The following STK32B variants were observed in gnomAD, a reference collection of about 807,000 sequenced individuals.
STK32B encodes serine/threonine kinase 32B, also known as serine/threonine-protein kinase 32B.
Under a neutral mutation model 52.6 loss-of-function variants are expected in STK32B, and 43 were observed. That is an observed-to-expected ratio of 0.82 (90% CI 0.64 to 1.05). STK32B has a LOEUF of 1.05. STK32B is among the 50% of genes least tolerant of loss of function. STK32B has a pLI of 0.00. For missense variants in STK32B, 621 were observed against 534.6 expected (o/e 1.16, Z -1.59); for synonymous variants, 238 against 204.3 (o/e 1.17, Z -1.41).
intron 4 of STK32B, among the ~76,000 whole-genome samples, chr4:5,373,464 A>G (rs1405569801): frequency 6.6e-6 from 1 of 151,746 alleles, no homozygotes; most frequent in African/African-American, 2.4e-5. Flanking sequence ...GGCAGAAAAA[A>G]CTCCCTTTTT....
At chr4:5,195,453 G>C (rs1028761371) in intron 3 of STK32B, among the ~76,000 whole-genome samples, 3 of 152,150 alleles carry the variant, frequency 2.0e-5, no homozygotes, top group African/African-American at 7.2e-5. Context: ...AGCACTTTGG[G>C]AGGCCAAGGC....
intron 3 of STK32B, among the ~76,000 whole-genome samples, chr4:5,248,456 C>G (rs530915448): frequency 3.9e-5 from 6 of 152,248 alleles, no homozygotes; most frequent in Admixed American, 3.9e-4. Flanking sequence ...ACACGTATTT[C>G]CATTTGATTT....
intron 4 of STK32B, among the ~76,000 whole-genome samples, chr4:5,354,544 G>A (rs908285121): frequency 6.6e-6 from 1 of 152,238 alleles, no homozygotes; most frequent in African/African-American, 2.4e-5. Flanking sequence ...GGGATTACAG[G>A]CGTGACCACC....
chr4:5,324,653 C>G (rs1731754445), intron 3 of STK32B, among the ~76,000 whole-genome samples: 1 of 152,146 alleles, frequency 6.6e-6, no homozygotes, highest in Non-Finnish European at 1.5e-5. Flanking sequence ...CAAATTGTGA[C>G]AACAAAAACT....
At chr4:5,168,594 G>C (rs1032592331) in intron 3 of STK32B, 144 bp downstream of exon 3, 89 of 1,006,772 alleles carry the variant, frequency 8.8e-5, no homozygotes, top group Non-Finnish European at 1.2e-4. Context: ...GTATTTTGTA[G>C]AGTACATTTT....
At chr4:5,320,549 A>T (rs1479899502) in intron 3 of STK32B, among the ~76,000 whole-genome samples, 1 of 152,226 alleles carries the variant, frequency 6.6e-6, no homozygotes, top group Non-Finnish European at 1.5e-5. Flanking sequence ...TAACAATGTG[A>T]TATCAGGTCA....
the STK32B span, among the ~76,000 whole-genome samples, chr4:5,032,734 C>T: frequency 1.2e-4 from 19 of 152,166 alleles, no homozygotes; most frequent in East Asian, 3.3e-3. Flanking sequence ...CACCATCTAC[C>T]TCTAGAACTT....
intron 1 of STK32B, among the ~76,000 whole-genome samples, chr4:5,068,086 T>C (rs1049023611): frequency 1.3e-5 from 2 of 152,096 alleles, no homozygotes; most frequent in Admixed American, 1.3e-4. Context: ...TAGGTTACTT[T>C]CAATGGCAAA....
At chr4:5,190,980 A>C (rs1020448133) in intron 3 of STK32B, among the ~76,000 whole-genome samples, 2 of 152,176 alleles carry the variant, frequency 1.3e-5, no homozygotes, top group Non-Finnish European at 2.9e-5. Flanking sequence ...CACTGCCTGC[A>C]CTTTTCTTCC....
intron 3 of STK32B, among the ~76,000 whole-genome samples, chr4:5,213,421 A>C (rs537339968): frequency 1.2e-4 from 18 of 152,316 alleles, no homozygotes; most frequent in African/African-American, 3.8e-4. Flanking sequence ...TGAAATCCAG[A>C]TTCCTTTCTG....
chr4:5,487,916 A>G (rs1478592843), intron 11 of STK32B, among the ~76,000 whole-genome samples: 1 of 152,198 alleles, frequency 6.6e-6, no homozygotes, highest in Non-Finnish European at 1.5e-5. Flanking sequence ...CTTAAAATTT[A>G]TCTAGTTTCA....
rs1430301584 is a variant in STK32B, at chr4:5,326,867, C to T, written c.261-4353C>T. On this transcript the variant is annotated intron_variant, in intron 3 of 11. Coordinates refer to ENST00000282908, the MANE Select transcript of STK32B (RefSeq NM_018401.3). ...CACTTCATGAAATATTTCTCTATAG[C>T]AAGTGGTGCTGTTTGATAGCATTTT... Among the ~76,000 whole-genome samples, 7 of 152,190 alleles carry T rather than the reference C, an allele frequency of 4.6e-5. No homozygotes were observed. The East Asian group carries it at 1.3e-3, about 29-fold the overall frequency.
rs2109166604 is a variant in STK32B at position 5,467,090 on chromosome 4, G to A, written c.1041+256G>A. Among the ~76,000 whole-genome samples the A allele has an allele frequency of 6.6e-6, 1 of 152,234 alleles. No individual in the cohort carries two copies. Among genetic ancestry groups the A allele is most frequent in the African/African-American group, 2.4e-5 (1 of 41,550 alleles). On this transcript the variant is annotated intron_variant, in intron 10 of 11. Coordinates refer to ENST00000282908, the MANE Select transcript of STK32B (RefSeq NM_018401.3). This position sits in a 1 kb window ranked among gnomAD's most constrained non-coding sequence, Gnocchi z 5.8. ...GCTCTAAGGCAGGGGGAGGGACCCA[G>A]CGGTCCCACTGCGCCCTTGAGAAAG...
intron 2 of STK32B, among the ~76,000 whole-genome samples, chr4:5,143,017 C>T (rs951465863): frequency 1.3e-5 from 2 of 152,162 alleles, no homozygotes; most frequent in African/African-American, 2.4e-5. Flanking sequence ...TGCCAGCATG[C>T]CCTGTAAAAG....
At chr4:5,308,424 T>C (rs987349623) in intron 3 of STK32B, among the ~76,000 whole-genome samples, 2 of 152,090 alleles carry the variant, frequency 1.3e-5, no homozygotes, top group Non-Finnish European at 2.9e-5. Flanking sequence ...TATGTGACTT[T>C]AAGTAATCTA....
At position 5,394,421 on chromosome 4, in the gene STK32B, A is replaced by T. The variant is rs867283656; in HGVS notation, c.435-3786A>T. ...CGATCAATGTGAAAAATAGAGCTGG[A>T]GGAAACGGTCCTGAAACTGGCTAAA... On this transcript the variant is annotated intron_variant, in intron 4 of 11. Coordinates refer to ENST00000282908, the MANE Select transcript of STK32B (RefSeq NM_018401.3). This position sits in a 1 kb window ranked among gnomAD's most constrained non-coding sequence, Gnocchi z 4.2. Among the ~76,000 whole-genome samples, 43 of 152,324 alleles carry T rather than the reference A, an allele frequency of 2.8e-4. No individual in the cohort carries two copies. The highest frequency in any genetic ancestry group is 9.9e-4 in the African/African-American group (41 of 41,570).
At chr4:5,247,146 G>A (rs1221101251) in intron 3 of STK32B, among the ~76,000 whole-genome samples, 2 of 152,206 alleles carry the variant, frequency 1.3e-5, no homozygotes, top group Admixed American at 6.5e-5. Flanking sequence ...GCTGTCTTTT[G>A]TTTGTCTGTG....
rs1737031368 is a variant in STK32B at position 5,398,031 on chromosome 4, G to C, written c.435-176G>C. ...TTCCAGGAAAGAGAAGAGGCGATAA[G>C]AACACAGGTGTCCCATTATCTTACC... On this transcript the variant is annotated intron_variant, in intron 4 of 11. Coordinates refer to ENST00000282908, the MANE Select transcript of STK32B (RefSeq NM_018401.3). This position sits in a 1 kb window ranked among gnomAD's most constrained non-coding sequence, Gnocchi z 4.9. 6.6e-6 allele frequency among the ~76,000 whole-genome samples: 1 copy of C among 152,240 alleles called. No individual in the cohort carries two copies. Among genetic ancestry groups the C allele is most frequent in the Admixed American group, 6.5e-5 (1 of 15,292 alleles).
upstream of STK32B, among the ~76,000 whole-genome samples, chr4:5,046,875 T>G (rs761395087): frequency 2.0e-5 from 3 of 152,192 alleles, no homozygotes; most frequent in Non-Finnish European, 4.4e-5. Context: ...CAGGAGCACT[T>G]TTACCCTGTT....
Sources: allele counts gnomAD v4.1 joint callset (sites outside exome capture counted in the v4.1 genomes callset), GRCh38; gene constraint gnomAD v4.1.1; non-coding constraint Gnocchi (gnomAD v3.1); transcripts MANE v1.5; gene names NCBI Gene and HGNC (gene_info 2026-07-23, HGNC 2026-07-21).